Variants in FRYL observed in about 807,000 individuals in gnomAD.
The protein encoded by FRYL is FRY like transcription coactivator.
Under a neutral mutation model 351.2 loss-of-function variants are expected in FRYL, and 150 were observed. The observed-to-expected ratio is 0.43, with a 90% CI of 0.37 to 0.49. The LOEUF is 0.49. Among genes scored for constraint, FRYL ranks in the 20% least tolerant of loss-of-function variants. The probability of loss-of-function intolerance (pLI) is 0.00; values close to 1 mark genes in which losing one functional copy is unlikely to be tolerated. For missense variants in FRYL, 3,036 were observed against 3,619.3 expected (o/e 0.84, Z 4.13); for synonymous variants, 1,153 against 1,257.1 (o/e 0.92, Z 1.75).
intron 3 of FRYL, chr4:48,680,904 T>G: frequency 1.0e-6 from 1 of 959,778 alleles, no homozygotes; most frequent in Non-Finnish European, 1.3e-6. Flanking sequence ...TTTTAAAGGA[T>G]GCAAAGAAAT....
chr4:48,768,379 A>C (rs1328101773), intron 1 of FRYL, among the ~76,000 whole-genome samples: 1 of 152,274 alleles, frequency 6.6e-6, no homozygotes, highest in Non-Finnish European at 1.5e-5. Flanking sequence ...CTCTGTTACC[A>C]ATATTAGTGC....
At position 48,716,306 on chromosome 4, in the gene FRYL, A is replaced by T. The variant is rs536256176; in HGVS notation, c.-383-5608T>A. On this transcript the variant is annotated intron_variant, in intron 1 of 63. Coordinates refer to ENST00000358350, the MANE Select transcript of FRYL (RefSeq NM_015030.2). ...TAATTAAACTAAAGAGCTTCTGCAC[A>T]GCAAAAGAAACTACCATCAGAGTGA... Among the ~76,000 whole-genome samples, 30 of 151,642 alleles carry T rather than the reference A, an allele frequency of 2.0e-4. 1 individual carries two copies. In the Middle Eastern group the frequency reaches 0.01, roughly 52 times the overall value.
intron 22 of FRYL, chr4:48,580,610 T>A (rs956727599): frequency 1.6e-5 from 6 of 387,018 alleles, no homozygotes; most frequent in Non-Finnish European, 2.7e-5. Context: ...TAACAGAAAC[T>A]TCTTAGATTG....
rs1427867509 is a variant in FRYL, at chr4:48,733,100, C to T, written c.-383-22402G>A. Among the ~76,000 whole-genome samples the T allele has an allele frequency of 4.0e-5, 6 of 151,790 alleles. No homozygotes were observed. The South Asian group carries it at 8.4e-4, about 21-fold the overall frequency. On this transcript the variant is annotated intron_variant, in intron 1 of 63. Coordinates refer to ENST00000358350, the MANE Select transcript of FRYL (RefSeq NM_015030.2). ...AGACCACCTGGCCAACATGGTGAAA[C>T]CCCGTCTCTACTAAAAATACAAAAA... is the stretch of plus-strand genomic sequence containing the variant.
At chr4:48,507,426 G>A (rs142249062) in intron 59 of FRYL, among the ~76,000 whole-genome samples, 2 of 147,726 alleles carry the variant, frequency 1.4e-5, no homozygotes, top group African/African-American at 5.0e-5. Context: ...AACTGTCGAG[G>A]TTCTACTTCT....
At chr4:48,508,304 A>AT (rs768592236) in intron 59 of FRYL, among the ~76,000 whole-genome samples, 1 of 152,186 alleles carries the variant, frequency 6.6e-6, no homozygotes, top group Non-Finnish European at 1.5e-5. Flanking sequence ...ACCATCTGAG[A>AT]TTTTGAATGA....
intron 13 of FRYL, among the ~76,000 whole-genome samples, chr4:48,598,671 G>A (rs1019074343): frequency 6.6e-6 from 1 of 152,170 alleles, no homozygotes. Context: ...ACCTTCTGAA[G>A]AATGTTTCTG....
intron 1 of FRYL, among the ~76,000 whole-genome samples, chr4:48,752,116 T>C (rs1235343199): frequency 6.6e-6 from 1 of 152,212 alleles, no homozygotes. Context: ...ATGGACTATA[T>C]ACTGGACAAT....
At chr4:48,765,793 T>C (rs559627098) in intron 1 of FRYL, among the ~76,000 whole-genome samples, 1 of 152,068 alleles carries the variant, frequency 6.6e-6, no homozygotes, top group Admixed American at 6.5e-5. Context: ...TACAACTCAA[T>C]AACAACAGTA....
At chr4:48,665,139 T>G (rs1183422492) in intron 3 of FRYL, among the ~76,000 whole-genome samples, 1 of 152,236 alleles carries the variant, frequency 6.6e-6, no homozygotes, top group Non-Finnish European at 1.5e-5. Flanking sequence ...ATTATATTGC[T>G]TGTGTAAGCC....
chr4:48,636,036 G>A (rs776593), intron 3 of FRYL, among the ~76,000 whole-genome samples: 144,279 of 152,264 alleles, frequency 0.95, 68,458 homozygotes, highest in South Asian at 0.98. Flanking sequence ...TATCACAAAC[G>A]TAATATATCT....
rs1719639950 is a variant in FRYL, at chr4:48,501,474, C to T, written c.8592+149G>A. 4.8e-6 allele frequency: 3 copies of T among 619,624 alleles called. No homozygotes were observed. The Admixed American group carries it at 9.0e-5, about 19-fold the overall frequency. 38.4% of individuals were successfully genotyped at this position (619,624 alleles called of 1,614,324 possible). A position where few individuals can be genotyped will look rare whatever the true frequency, so the allele number is the denominator to read the frequency against. On this transcript the variant is annotated intron_variant, in intron 62 of 63. Transcript: ENST00000358350. ...TTTACTCATAGGTCCTGACATAGCA[C>T]ATCATTAAAAAACAAATTATTCCTT...
At chr4:48,687,076 T>C (rs1765211923) in intron 2 of FRYL, among the ~76,000 whole-genome samples, 1 of 152,186 alleles carries the variant, frequency 6.6e-6, no homozygotes, top group Non-Finnish European at 1.5e-5. Flanking sequence ...TGCAGGACAA[T>C]CACTTTTTCA....
At chr4:48,578,873 T>C in intron 23 of FRYL, 100 bp downstream of exon 23, 3 of 986,062 alleles carry the variant, frequency 3.0e-6, no homozygotes, top group Non-Finnish European at 4.5e-6. Context: ...ATATTATTTA[T>C]GGGCCTTCCA....
chr4:48,713,581 T>C (rs1361251147), intron 1 of FRYL, among the ~76,000 whole-genome samples: 1 of 152,132 alleles, frequency 6.6e-6, no homozygotes, highest in African/African-American at 2.4e-5. Flanking sequence ...CTATCCTAAA[T>C]AGATATGCAC....
chr4:48,622,947 G>A (rs1750966498), intron 5 of FRYL, among the ~76,000 whole-genome samples, 179 bp downstream of exon 5: 1 of 151,930 alleles, frequency 6.6e-6, no homozygotes, highest in South Asian at 2.1e-4. Context: ...TAAATGAAGT[G>A]AAACTAATCA....
intron 35 of FRYL, 113 bp downstream of exon 35, chr4:48,556,865 C>T (rs4694898): frequency 1 from 823,578 of 826,266 alleles, 410,494 homozygotes; most frequent in East Asian, 1. Flanking sequence ...GTCTTCATCC[C>T]GGCCCTTGCC....
At chr4:48,550,805 G>T in intron 37 of FRYL, 101 bp from the exon 38 acceptor site, 1 of 879,962 alleles carries the variant, frequency 1.1e-6, no homozygotes, top group Non-Finnish European at 1.9e-6. Flanking sequence ...CGGACGCCAT[G>T]GTTCAAGCCT....
intron 13 of FRYL, among the ~76,000 whole-genome samples, chr4:48,597,616 A>C (rs1319698968): frequency 6.6e-6 from 1 of 152,206 alleles, no homozygotes; most frequent in Non-Finnish European, 1.5e-5. Flanking sequence ...ATTAGTTTTT[A>C]GGTACACATG....
Sources: gnomAD v4.1 joint callset for allele counts (sites outside exome capture counted in the v4.1 genomes callset) on GRCh38, gnomAD v4.1.1 for gene constraint, MANE v1.5 for transcripts, NCBI Gene and HGNC (gene_info 2026-07-23, HGNC 2026-07-21) for gene names.